Variants in ADCY1 observed in about 807,000 individuals in gnomAD.
ADCY1 encodes adenylate cyclase type 1.
ADCY1 carries 28 observed loss-of-function variants against 105.4 expected under a neutral mutation model. The ratio of observed to expected loss-of-function variants is 0.27; its 90% CI spans 0.20 to 0.36. ADCY1 has a LOEUF of 0.36. ADCY1 is among the 10% of genes least tolerant of loss of function. The probability of loss-of-function intolerance (pLI) is 1.00; values close to 1 mark genes in which losing one functional copy is unlikely to be tolerated. For synonymous variants in ADCY1, 655 were observed against 623.8 expected (o/e 1.05, Z -0.75); for missense variants, 977 against 1,434.2 (o/e 0.68, Z 5.15).
rs528174506 is a variant in ADCY1 at position 45,575,386 on chromosome 7, C to G, written c.639+204C>G. Among the ~76,000 whole-genome samples, 1 of 152,254 alleles carries G rather than the reference C, an allele frequency of 6.6e-6. No individual in the cohort carries two copies. The highest frequency in any genetic ancestry group is 1.5e-5 in the Non-Finnish European group (1 of 68,048). ...CCGGCCAGGGCTCTCTTCAGAGTTA[C>G]AATCCACGAAGCGCCCCTGGCGTGA... On this transcript the variant is annotated intron_variant, in intron 1 of 19. Transcript: ENST00000297323. The surrounding 1 kb of genome is among the most constrained non-coding windows in gnomAD (Gnocchi z 4.7).
At chr7:45,602,431 C>G (rs1468307788) in intron 2 of ADCY1, among the ~76,000 whole-genome samples, 1 of 152,092 alleles carries the variant, frequency 6.6e-6, no homozygotes, top group Admixed American at 6.5e-5. Flanking sequence ...ATGGAGCTGG[C>G]CCCTCCCAGA....
intron 1 of ADCY1, among the ~76,000 whole-genome samples, chr7:45,583,913 T>C (rs1239224693): frequency 6.7e-6 from 1 of 149,544 alleles, no homozygotes; most frequent in East Asian, 2.0e-4. Context: ...GTGTTGACAT[T>C]ACAGGCATGA....
chr7:45,687,416 G>A (rs1397420129), intron 14 of ADCY1, among the ~76,000 whole-genome samples: 1 of 152,182 alleles, frequency 6.6e-6, no homozygotes, highest in Admixed American at 6.5e-5. Context: ...GCGTGTGGGT[G>A]CTGGTGTGAG....
chr7:45,668,580 C>G (rs1243663563), intron 8 of ADCY1, among the ~76,000 whole-genome samples: 1 of 152,150 alleles, frequency 6.6e-6, no homozygotes, highest in Non-Finnish European at 1.5e-5. Context: ...GGATATTGGT[C>G]TAAAATTCTC....
chr7:45,592,716 T>G (rs1315174531), intron 1 of ADCY1, 43 bp from the exon 2 acceptor site: 6 of 1,612,334 alleles, frequency 3.7e-6, no homozygotes, highest in East Asian at 2.2e-5. Context: ...TTTGTGTGTG[T>G]GGGATGTCAG....
intron 11 of ADCY1, among the ~76,000 whole-genome samples, chr7:45,680,802 C>T (rs1486425492): frequency 6.6e-6 from 1 of 152,230 alleles, no homozygotes; most frequent in Admixed American, 6.5e-5. Flanking sequence ...ATTCCTTAGT[C>T]CTCAGTGGTG....
chr7:45,678,319 G>A (rs1784499578), intron 10 of ADCY1, 56 bp downstream of exon 10: 2 of 1,527,074 alleles, frequency 1.3e-6, no homozygotes, highest in East Asian at 4.5e-5. Context: ...GGTTTCTGGG[G>A]TTCGTGGTTG....
chr7:45,675,418 GAGA>G (rs1784438197), intron 8 of ADCY1, among the ~76,000 whole-genome samples: 1 of 152,042 alleles, frequency 6.6e-6, no homozygotes, highest in Non-Finnish European at 1.5e-5. Context: ...GAAAATTCAA[GAGA>G]AGGAGGAAAG....
Position 45,703,744 on chromosome 7 carries a change from G to A in ADCY1, c.2716G>A (p.Glu906Lys), listed in dbSNP as rs762539339. Residue 906 changes from glutamate to lysine, a missense_variant and splice_region_variant, in exon 16 of 20, where the codon GAG becomes AAG. Glu to Lys is a moderately conservative substitution (Grantham distance 56, BLOSUM62 1). This residue lies in a region of ADCY1 where 152 missense variants were observed against 293.7 expected (regional missense o/e 0.52). Transcript: ENST00000297323. This position sits in a 1 kb window ranked among gnomAD's most constrained non-coding sequence, Gnocchi z 5.9. Reference protein sequence around the residue: ...LLNEIIADFDELMEKDFYKDI... With the variant: ...LLNEIIADFDKLMEKDFYKDI... The stretch of plus-strand genomic sequence containing the variant: ...CAACGAGATCATCGCCGACTTTGAC[G>A]AGGTGAGGCTGTGCGTCGCCATCCT... The A allele has an allele frequency of 1.9e-6, 3 of 1,576,378 alleles. No individual in the cohort carries two copies. Among genetic ancestry groups the A allele is most frequent in the East Asian group, 2.2e-5 (1 of 44,504 alleles).
intron 2 of ADCY1, among the ~76,000 whole-genome samples, chr7:45,607,004 C>CTT (rs1242193597): frequency 1.4e-5 from 2 of 140,052 alleles, no homozygotes; most frequent in East Asian, 2.1e-4. Flanking sequence ...GCTACTTCGT[C>CTT]TTTTTTTTTT....
At position 45,575,642 on chromosome 7, in the gene ADCY1, C is replaced by T. The variant is rs1280615400; in HGVS notation, c.639+460C>T. On this transcript the variant is annotated intron_variant, in intron 1 of 19. Transcript: ENST00000297323. This position sits in a 1 kb window ranked among gnomAD's most constrained non-coding sequence, Gnocchi z 4.7. ...GCACCTAGAGCGCGTGCTGGGCTCGCCTCCCAACCCTGCGGACCCGAGGGT... is the reference window on the plus strand; with the variant it reads ...GCACCTAGAGCGCGTGCTGGGCTCGTCTCCCAACCCTGCGGACCCGAGGGT... 6.6e-6 allele frequency among the ~76,000 whole-genome samples: 1 copy of T among 152,266 alleles called. No individual in the cohort carries two copies. Among genetic ancestry groups the T allele is most frequent in the Non-Finnish European group, 1.5e-5 (1 of 68,048 alleles).
chr7:45,634,740 A>G (rs1306665737), intron 4 of ADCY1, among the ~76,000 whole-genome samples: 2 of 152,196 alleles, frequency 1.3e-5, no homozygotes, highest in African/African-American at 4.8e-5. Flanking sequence ...CTGATCAGTC[A>G]TACAGTTTTG....
At chr7:45,673,928 A>G (rs1388980454) in intron 8 of ADCY1, among the ~76,000 whole-genome samples, 1 of 133,620 alleles carries the variant, frequency 7.5e-6, no homozygotes, top group African/African-American at 2.7e-5. Flanking sequence ...CTTTAGCTGC[A>G]TCCCGTAGAT....
At chr7:45,660,365 G>A (rs1432134260) in intron 7 of ADCY1, among the ~76,000 whole-genome samples, 182 bp downstream of exon 7, 1 of 152,214 alleles carries the variant, frequency 6.6e-6, no homozygotes, top group Non-Finnish European at 1.5e-5. Flanking sequence ...CTGGTGTGGG[G>A]AGGGGTCTAG....
chr7:45,611,637 GT>G (rs35339777), intron 3 of ADCY1, among the ~76,000 whole-genome samples: 37,989 of 140,716 alleles, frequency 0.27, 5,399 homozygotes, highest in East Asian at 0.49. Flanking sequence ...AGGTTTGCTT[GT>G]TTTTTTTTTT....
chr7:45,638,791 A>C (rs756259912), intron 4 of ADCY1, among the ~76,000 whole-genome samples: 3 of 152,196 alleles, frequency 2.0e-5, no homozygotes, highest in Non-Finnish European at 4.4e-5. Flanking sequence ...CATTATATGC[A>C]GGAAAGAGCT....
At chr7:45,579,432 T>C (rs867582) in intron 1 of ADCY1, among the ~76,000 whole-genome samples, 62,870 of 151,020 alleles carry the variant, frequency 0.42, 13,376 homozygotes, top group East Asian at 0.52. Context: ...CTGCTGGTCC[T>C]TCCCCTGGCT....
chr7:45,686,397 A>G lies in ADCY1; in HGVS notation c.2328-150A>G, dbSNP rs1784674735. The G allele has an allele frequency of 7.1e-7, 1 of 1,405,994 alleles. No individual in the cohort carries two copies. The highest frequency in any genetic ancestry group is 9.5e-7 in the Non-Finnish European group (1 of 1,052,002). The allele number at this position is 1,405,994 out of a possible 1,614,324, so 87.1% of individuals were successfully genotyped here. On this transcript the variant is annotated intron_variant, in intron 13 of 19. Coordinates refer to ENST00000297323, the MANE Select transcript of ADCY1 (RefSeq NM_021116.4). This position sits in a 1 kb window ranked among gnomAD's most constrained non-coding sequence, Gnocchi z 4.3. Reference sequence around the variant, plus strand: ...TAGCAAGGACTCAGATTTCCCTATGATAAGTGATTCTTGGCCAAGGTCAAT... The same window carrying G: ...TAGCAAGGACTCAGATTTCCCTATGGTAAGTGATTCTTGGCCAAGGTCAAT...
chr7:45,669,265 T>G (rs1264974414), intron 8 of ADCY1, among the ~76,000 whole-genome samples: 2 of 152,214 alleles, frequency 1.3e-5, no homozygotes, highest in African/African-American at 4.8e-5. Context: ...TTGTGGACAT[T>G]TAGTGCTATA....
Sources: allele counts gnomAD v4.1 joint callset (sites outside exome capture counted in the v4.1 genomes callset), GRCh38; gene constraint gnomAD v4.1.1; regional missense constraint gnomAD v4.1.1; non-coding constraint Gnocchi (gnomAD v3.1); transcripts MANE v1.5; gene names NCBI Gene and HGNC (gene_info 2026-07-23, HGNC 2026-07-21).